The following CDH13 variants were observed in gnomAD, a reference collection of about 807,000 sequenced individuals.
The protein encoded by CDH13 is cadherin 13.
A neutral mutation model predicts 63.8 loss-of-function variants in CDH13; 24 were observed. The observed-to-expected ratio is 0.38, with a 90% CI of 0.27 to 0.53. CDH13 has a LOEUF of 0.53. CDH13 is among the 20% of genes least tolerant of loss of function. The pLI, the probability that CDH13 is intolerant of heterozygous loss-of-function variation, is 0.85. For missense variants in CDH13, 1,049 were observed against 903.1 expected, an observed-to-expected ratio of 1.16 and a Z score of -2.07; for synonymous variants, 503 against 355.3, an observed-to-expected ratio of 1.42 and a Z score of -4.67.
intron 3 of CDH13, among the ~76,000 whole-genome samples, chr16:83,098,555 C>T (rs774501811): frequency 3.9e-5 from 6 of 152,172 alleles, no homozygotes; most frequent in Non-Finnish European, 5.9e-5. Flanking sequence ...TGAATTCCTT[C>T]GCCTTTTGTA....
At chr16:83,606,599 G>A (rs1908352994) in intron 8 of CDH13, among the ~76,000 whole-genome samples, 1 of 151,456 alleles carries the variant, frequency 6.6e-6, no homozygotes, top group Non-Finnish European at 1.5e-5. Context: ...AAATTATCCA[G>A]GCATGTAGTC....
intron 3 of CDH13, among the ~76,000 whole-genome samples, chr16:83,119,221 G>T (rs987262486): frequency 2.0e-5 from 3 of 152,048 alleles, no homozygotes; most frequent in Non-Finnish European, 4.4e-5. Context: ...AACTTTCTGT[G>T]GCCTTTGCTG....
At chr16:82,720,724 A>G (rs1049960185) in intron 1 of CDH13, among the ~76,000 whole-genome samples, 1 of 152,090 alleles carries the variant, frequency 6.6e-6, no homozygotes, top group Non-Finnish European at 1.5e-5. Flanking sequence ...ATTGAAGAAA[A>G]CAGCATTATA....
chr16:83,595,979 C>G (rs998771023), intron 7 of CDH13, among the ~76,000 whole-genome samples: 2 of 152,236 alleles, frequency 1.3e-5, no homozygotes, highest in African/African-American at 2.4e-5. Context: ...GGCAGCCAAG[C>G]TGCTTCTTCC....
At chr16:83,032,257 A>C (rs1199489727) in intron 3 of CDH13, 39 bp downstream of exon 3, 8 of 1,518,578 alleles carry the variant, frequency 5.3e-6, no homozygotes, top group Non-Finnish European at 7.3e-6. Flanking sequence ...TTCAAGGAGG[A>C]CATTAGGTTC....
intron 2 of CDH13, among the ~76,000 whole-genome samples, chr16:82,966,195 C>T (rs927857430): frequency 6.6e-6 from 1 of 152,196 alleles, no homozygotes; most frequent in Non-Finnish European, 1.5e-5. Flanking sequence ...GTCGCCCAGG[C>T]TGGAGTGCAG....
intron 7 of CDH13, among the ~76,000 whole-genome samples, chr16:83,508,106 A>AGGAC: frequency 1.5e-5 from 1 of 68,180 alleles, no homozygotes; most frequent in Non-Finnish European, 3.0e-5. Context: ...GAAAGAAGGA[A>AGGAC]GGAAAAGGAA....
intron 8 of CDH13, among the ~76,000 whole-genome samples, chr16:83,667,535 T>C (rs1914105583): frequency 6.6e-6 from 1 of 152,100 alleles, no homozygotes; most frequent in South Asian, 2.1e-4. Flanking sequence ...ACTGTGCTGT[T>C]TACTAAGGAT....
intron 1 of CDH13, among the ~76,000 whole-genome samples, chr16:82,795,155 A>G (rs2036520457): frequency 6.6e-6 from 1 of 152,208 alleles, no homozygotes; most frequent in African/African-American, 2.4e-5. Context: ...TGGCTAATCC[A>G]GGTGTTGGCA....
chr16:83,353,192 G>A (rs9933476), intron 6 of CDH13, among the ~76,000 whole-genome samples: 85,085 of 152,178 alleles, frequency 0.56, 25,484 homozygotes, highest in African/African-American at 0.79. Context: ...TCCGTGTAAC[G>A]AAACTGCACT....
chr16:83,137,926 C>G (rs770492852), intron 4 of CDH13, among the ~76,000 whole-genome samples: 1 of 151,412 alleles, frequency 6.6e-6, no homozygotes, highest in Non-Finnish European at 1.5e-5. Flanking sequence ...TTTTCTTTTC[C>G]GGCTTGGAGC....
intron 7 of CDH13, among the ~76,000 whole-genome samples, chr16:83,532,549 C>T (rs373807417): frequency 2.0e-5 from 3 of 152,220 alleles, no homozygotes; most frequent in East Asian, 1.9e-4. Context: ...CCTAGCTCAG[C>T]GCTAGTGCAT....
intron 6 of CDH13, among the ~76,000 whole-genome samples, chr16:83,371,285 T>A (rs1279991209): frequency 6.6e-6 from 1 of 152,210 alleles, no homozygotes; most frequent in Admixed American, 6.5e-5. Flanking sequence ...ATCATTACCC[T>A]CTCCTTCCTG....
At chr16:83,332,261 A>G (rs2090496688) in intron 5 of CDH13, among the ~76,000 whole-genome samples, 1 of 152,148 alleles carries the variant, frequency 6.6e-6, no homozygotes. Flanking sequence ...GCAATAAATT[A>G]GAGCTCTAAT....
Position 82,635,683 on chromosome 16 carries a change from C to T in CDH13, c.45+8546C>T, listed in dbSNP as rs561655621. Among the ~76,000 whole-genome samples the T allele has an allele frequency of 4.6e-5, 7 of 152,214 alleles. No individual in the cohort carries two copies. In the South Asian group the frequency reaches 1.0e-3, roughly 23 times the overall value. On this transcript the variant is annotated intron_variant, in intron 1 of 13. Coordinates refer to ENST00000567109, the MANE Select transcript of CDH13 (RefSeq NM_001257.5). ...CATGGGAAGCTGGATTCAGGAACGACGGTGCAGAGATGGGGCAGGTGATTG... is the reference window on the plus strand; with the variant it reads ...CATGGGAAGCTGGATTCAGGAACGATGGTGCAGAGATGGGGCAGGTGATTG...
At chr16:83,276,056 C>A (rs971652826) in intron 5 of CDH13, among the ~76,000 whole-genome samples, 1 of 152,012 alleles carries the variant, frequency 6.6e-6, no homozygotes, top group Non-Finnish European at 1.5e-5. Flanking sequence ...ACACCTAGGC[C>A]AAGACTGATT....
At chr16:83,527,939 G>A (rs2075000377) in intron 7 of CDH13, among the ~76,000 whole-genome samples, 1 of 152,186 alleles carries the variant, frequency 6.6e-6, no homozygotes, top group Admixed American at 6.5e-5. Flanking sequence ...ATTAGAGCCA[G>A]AGGAAATATT....
rs150070571 is a variant in CDH13 at position 82,836,171 on chromosome 16, G to T, written c.46-22191G>T. ...GATGGAGTTTCACTCTTGTTGCCCA[G>T]ACTGGAGTGCATTGGCGCCCAGGCT... On this transcript the variant is annotated intron_variant, in intron 1 of 13. Coordinates refer to ENST00000567109, the MANE Select transcript of CDH13 (RefSeq NM_001257.5). Among the ~76,000 whole-genome samples the T allele has an allele frequency of 9.7e-3, 1,472 of 152,222 alleles. 25 individuals carry two copies. The highest frequency in any genetic ancestry group is 0.032 in the African/African-American group (1,345 of 41,528).
intron 3 of CDH13, among the ~76,000 whole-genome samples, chr16:83,048,617 G>C (rs546203653): frequency 2.0e-5 from 3 of 152,096 alleles, no homozygotes; most frequent in African/African-American, 7.2e-5. Context: ...ATCCATTTCA[G>C]TTCCCTTTTC....
Sources: gnomAD v4.1 joint callset for allele counts (sites outside exome capture counted in the v4.1 genomes callset) on GRCh38, gnomAD v4.1.1 for gene constraint, MANE v1.5 for transcripts, NCBI Gene and HGNC (gene_info 2026-07-23, HGNC 2026-07-21) for gene names.